MAGI1: variants seen among roughly 807,000 people sequenced by gnomAD.
The protein encoded by MAGI1 is membrane associated guanylate kinase, WW and PDZ domain containing 1.
Under a neutral mutation model 139.9 loss-of-function variants are expected in MAGI1, and 58 were observed. That is an observed-to-expected ratio of 0.41 (90% CI 0.34 to 0.52). The LOEUF (loss-of-function observed/expected upper bound fraction) is 0.52. MAGI1 is among the 20% of genes least tolerant of loss of function. The pLI is 0.12. For synonymous variants in MAGI1, 812 were observed against 737.9 expected (o/e 1.10, Z -1.63); for missense variants, 1,874 against 1,901.6 (o/e 0.99, Z 0.27).
At chr3:65,924,736 G>A (rs963596587) in intron 1 of MAGI1, among the ~76,000 whole-genome samples, 2 of 152,108 alleles carry the variant, frequency 1.3e-5, no homozygotes, top group Admixed American at 6.6e-5. Context: ...GCTGCTCCAT[G>A]CTTCAGTTTT....
At chr3:65,825,803 T>C (rs1423176114) in intron 1 of MAGI1, among the ~76,000 whole-genome samples, 2 of 152,002 alleles carry the variant, frequency 1.3e-5, no homozygotes, top group African/African-American at 4.8e-5. Flanking sequence ...GCCTGGCCAG[T>C]ATGGTGAAAC....
intron 1 of MAGI1, among the ~76,000 whole-genome samples, chr3:66,008,071 AT>A (rs2067126999): frequency 6.6e-6 from 1 of 151,898 alleles, no homozygotes; most frequent in African/African-American, 2.4e-5. Flanking sequence ...TAATTTGTGT[AT>A]TTTTAGTACA....
intron 1 of MAGI1, among the ~76,000 whole-genome samples, chr3:65,750,326 G>A (rs1438092676): frequency 6.6e-6 from 1 of 152,098 alleles, no homozygotes; most frequent in African/African-American, 2.4e-5. Context: ...ACAAGTACCA[G>A]GGATTTATAC....
At chr3:65,663,950 A>G (rs943770195) in intron 1 of MAGI1, among the ~76,000 whole-genome samples, 1 of 152,228 alleles carries the variant, frequency 6.6e-6, no homozygotes, top group East Asian at 1.9e-4. Context: ...AATAACAACT[A>G]TAATATGTCA....
chr3:66,008,399 T>A (rs913379756), intron 1 of MAGI1, among the ~76,000 whole-genome samples: 2 of 152,096 alleles, frequency 1.3e-5, no homozygotes, highest in Admixed American at 6.6e-5. Context: ...CTTTTCCTCA[T>A]CTCCTCCTCC....
intron 2 of MAGI1, among the ~76,000 whole-genome samples, chr3:65,528,761 T>C (rs1039012620): frequency 4.6e-5 from 7 of 152,170 alleles, no homozygotes; most frequent in Admixed American, 4.6e-4. Context: ...CAAAATACTA[T>C]GGAGTCAGGC....
At chr3:65,613,892 C>G (rs932263764) in intron 2 of MAGI1, among the ~76,000 whole-genome samples, 4 of 151,834 alleles carry the variant, frequency 2.6e-5, no homozygotes, top group Non-Finnish European at 5.9e-5. Flanking sequence ...TAAAGAGAAA[C>G]TGAAAAGAGT....
chr3:65,403,082 T>C (rs1349207271), intron 12 of MAGI1, among the ~76,000 whole-genome samples: 1 of 152,322 alleles, frequency 6.6e-6, no homozygotes, highest in African/African-American at 2.4e-5. Context: ...CAGATAGGCA[T>C]CCTTTAACAA....
chr3:65,824,785 C>G (rs1182408090), intron 1 of MAGI1, among the ~76,000 whole-genome samples: 3 of 152,118 alleles, frequency 2.0e-5, no homozygotes, highest in Non-Finnish European at 4.4e-5. Flanking sequence ...TCTTGCCTAC[C>G]AATAATTTAA....
At chr3:65,496,333 C>T (rs978707834) in intron 2 of MAGI1, among the ~76,000 whole-genome samples, 8 of 152,052 alleles carry the variant, frequency 5.3e-5, no homozygotes, top group Middle Eastern at 3.2e-3. Context: ...TAAGCCACCA[C>T]ACTCAGCTTG....
At chr3:65,541,543 C>A (rs767962229) in intron 2 of MAGI1, among the ~76,000 whole-genome samples, 8 of 152,190 alleles carry the variant, frequency 5.3e-5, no homozygotes, top group Non-Finnish European at 1.0e-4. Flanking sequence ...CAAACCGAAT[C>A]CAGCAGCACA....
chr3:65,957,500 C>A, intron 1 of MAGI1, among the ~76,000 whole-genome samples: 2 of 128,842 alleles, frequency 1.6e-5, no homozygotes, highest in African/African-American at 2.9e-5. Context: ...TAGCCTTGGC[C>A]ACAGAGCAAG....
intron 1 of MAGI1, chr3:65,902,470 C>T (rs1162687680): frequency 6.6e-6 from 1 of 152,478 alleles, no homozygotes; most frequent in Non-Finnish European, 1.5e-5. Context: ...CAGCCCAGCC[C>T]CTTGCGTATG....
At chr3:65,776,818 C>T (rs1450209517) in intron 1 of MAGI1, among the ~76,000 whole-genome samples, 2 of 152,228 alleles carry the variant, frequency 1.3e-5, no homozygotes, top group Non-Finnish European at 2.9e-5. Context: ...AAGAGTCATT[C>T]GATCTCTTCC....
intron 2 of MAGI1, among the ~76,000 whole-genome samples, chr3:65,574,677 G>C (rs1031865467): frequency 6.6e-6 from 1 of 151,940 alleles, no homozygotes; most frequent in African/African-American, 2.4e-5. Flanking sequence ...GAAGAATAAA[G>C]TTGGAAAACT....
At chr3:66,035,497 G>A (rs1393960561) in intron 1 of MAGI1, among the ~76,000 whole-genome samples, 1 of 152,200 alleles carries the variant, frequency 6.6e-6, no homozygotes, top group Non-Finnish European at 1.5e-5. Flanking sequence ...CAACATGGAA[G>A]AGGGAGCAGA....
chr3:65,525,740 G>A lies in MAGI1; in HGVS notation c.431-32109C>T, dbSNP rs540882988. Among the ~76,000 whole-genome samples the A allele has an allele frequency of 8.5e-5, 13 of 152,218 alleles. No individual in the cohort carries two copies. The South Asian group carries it at 1.2e-3, about 15-fold the overall frequency. On this transcript the variant is annotated intron_variant, in intron 2 of 22. Transcript: ENST00000402939. ...CAACTTACCTTGTCAATAATATAGC[G>A]GTAGAATGTGCTTAACTCAACATCT...
intron 2 of MAGI1, among the ~76,000 whole-genome samples, chr3:65,556,768 A>T (rs1052208922): frequency 2.0e-5 from 3 of 152,216 alleles, no homozygotes; most frequent in African/African-American, 7.2e-5. Context: ...CACAAAGTAA[A>T]TCTGACTATG....
intron 2 of MAGI1, among the ~76,000 whole-genome samples, chr3:65,519,304 G>GA (rs1377134760): frequency 6.6e-6 from 1 of 150,978 alleles, no homozygotes; most frequent in Non-Finnish European, 1.5e-5. Flanking sequence ...GAAGCCACTG[G>GA]AAAGTTTTCA....
Sources: allele counts gnomAD v4.1 joint callset (sites outside exome capture counted in the v4.1 genomes callset), GRCh38; gene constraint gnomAD v4.1.1; transcripts MANE v1.5; gene names NCBI Gene and HGNC (gene_info 2026-07-23, HGNC 2026-07-21).